Variants in TMTC1 observed in about 807,000 individuals in gnomAD.
TMTC1 encodes protein O-mannosyl-transferase TMTC1.
Under a neutral mutation model 104.8 loss-of-function variants are expected in TMTC1, and 73 were observed. The ratio of observed to expected loss-of-function variants is 0.70; its 90% CI spans 0.58 to 0.85. The LOEUF (loss-of-function observed/expected upper bound fraction) is 0.85, where lower values mean the gene tolerates loss of function less well. Ranked by LOEUF, TMTC1 falls within the 40% of genes least tolerant of loss-of-function variation. TMTC1 has a pLI of 0.00. For missense variants in TMTC1, 1,035 were observed against 1,096.1 expected (o/e 0.94, Z 0.79); for synonymous variants, 434 against 428.7 (o/e 1.01, Z -0.15).
intron 4 of TMTC1, among the ~76,000 whole-genome samples, chr12:29,752,085 C>T (rs918935374): frequency 1.3e-5 from 2 of 151,730 alleles, no homozygotes; most frequent in Admixed American, 1.3e-4. Flanking sequence ...TCGTATTGAC[C>T]TAGTATAGAA....
chr12:29,725,609 C>A lies in TMTC1; in HGVS notation c.938+26057G>T, dbSNP rs144187266. 1.9e-4 allele frequency among the ~76,000 whole-genome samples: 29 copies of A among 152,196 alleles called. 2 individuals are homozygous for A. Among genetic ancestry groups the A allele is most frequent in the African/African-American group, 6.3e-4 (26 of 41,510 alleles). ...ATAATTGTGTTTATAAAACATGGCA[C>A]CCAGATAAATGACAAAAGTCCTGTA... On this transcript the variant is annotated intron_variant, in intron 5 of 17. Coordinates refer to ENST00000539277, the MANE Select transcript of TMTC1 (RefSeq NM_001193451.2).
At chr12:29,627,588 C>T (rs1938067709) in intron 6 of TMTC1, among the ~76,000 whole-genome samples, 1 of 151,554 alleles carries the variant, frequency 6.6e-6, no homozygotes, top group African/African-American at 2.4e-5. Context: ...CTTTATGACT[C>T]AGCAATCCAC....
intron 5 of TMTC1, chr12:29,660,727 T>C (rs1939978120): frequency 4.4e-6 from 2 of 455,290 alleles, no homozygotes; most frequent in Non-Finnish European, 6.6e-6. Flanking sequence ...TTGAATTACA[T>C]GTCTGAGCTG....
At chr12:29,530,231 C>T (rs1223508702) in intron 11 of TMTC1, among the ~76,000 whole-genome samples, 1 of 152,142 alleles carries the variant, frequency 6.6e-6, no homozygotes, top group Non-Finnish European at 1.5e-5. Context: ...CCAGCTATGA[C>T]CAGAGAGGTA....
chr12:29,599,329 G>A (rs1946492320), intron 7 of TMTC1, among the ~76,000 whole-genome samples: 1 of 152,178 alleles, frequency 6.6e-6, no homozygotes, highest in Non-Finnish European at 1.5e-5. Flanking sequence ...TGCAAAACTG[G>A]CTTTGTCACC....
intron 17 of TMTC1, 44 bp downstream of exon 17, chr12:29,511,999 C>T (rs1329760448): frequency 6.4e-7 from 1 of 1,554,158 alleles, no homozygotes; most frequent in African/African-American, 1.4e-5. Context: ...AGAGAAAACA[C>T]AGGGGGAAAG....
At chr12:29,659,154 G>A (rs1939895425) in intron 5 of TMTC1, among the ~76,000 whole-genome samples, 1 of 152,238 alleles carries the variant, frequency 6.6e-6, no homozygotes, top group African/African-American at 2.4e-5. Flanking sequence ...GTCAACCTCT[G>A]CACAATTCTC....
intron 5 of TMTC1, among the ~76,000 whole-genome samples, chr12:29,735,976 T>G (rs1942662049): frequency 6.6e-6 from 1 of 152,192 alleles, no homozygotes; most frequent in African/African-American, 2.4e-5. Flanking sequence ...GACTGTAGGT[T>G]GAGGAGATTA....
chr12:29,780,876 A>G (rs1001220966), intron 1 of TMTC1, among the ~76,000 whole-genome samples: 1 of 152,220 alleles, frequency 6.6e-6, no homozygotes. Flanking sequence ...TTGAAATCTC[A>G]AAGTTTTTGC....
At chr12:29,749,910 T>C (rs1202753903) in intron 5 of TMTC1, among the ~76,000 whole-genome samples, 6 of 152,048 alleles carry the variant, frequency 3.9e-5, no homozygotes. Context: ...CATTGCAGTT[T>C]CCATGACTCT....
At position 29,640,338 on chromosome 12, in the gene TMTC1, A is replaced by AG. The variant is rs11358701; in HGVS notation, c.939-7003dup. 1.1e-4 allele frequency among the ~76,000 whole-genome samples: 17 copies of AG among 151,988 alleles called. 1 individual carries two copies. Among genetic ancestry groups the AG allele is most frequent in the African/African-American group, 1.7e-4 (7 of 41,386 alleles). On this transcript the variant is annotated intron_variant, in intron 5 of 17. Transcript: ENST00000539277. ...AGATGCAGCTGTGGACAGAGCAGCGAGGGGGGGCTCACATTGTGAATTTTA... is the reference window on the plus strand; with the variant it reads ...AGATGCAGCTGTGGACAGAGCAGCGAGGGGGGGGCTCACATTGTGAATTTTA...
intron 9 of TMTC1, among the ~76,000 whole-genome samples, chr12:29,563,067 T>C (rs149931530): frequency 2.9e-4 from 44 of 152,348 alleles, no homozygotes; most frequent in African/African-American, 9.9e-4. Context: ...CTGTTTCTCC[T>C]ATACTGAGAG....
chr12:29,543,899 G>A (rs748513571), intron 10 of TMTC1, among the ~76,000 whole-genome samples: 39 of 152,248 alleles, frequency 2.6e-4, no homozygotes, highest in Non-Finnish European at 5.0e-4. Flanking sequence ...CAGAAGCCAC[G>A]TGGAACTGTG....
intron 5 of TMTC1, chr12:29,658,664 C>T (rs1939872145): frequency 4.7e-6 from 1 of 212,656 alleles, no homozygotes; most frequent in East Asian, 1.1e-4. Context: ...GAACAGGAAC[C>T]ATTCCCTTGA....
intron 9 of TMTC1, among the ~76,000 whole-genome samples, chr12:29,557,694 C>G (rs1945281299): frequency 6.6e-6 from 1 of 151,256 alleles, no homozygotes; most frequent in Non-Finnish European, 1.5e-5. Context: ...AGGTGATCCA[C>G]CTGGCTCAGC....
At chr12:29,749,234 A>ACACC (rs908823598) in intron 5 of TMTC1, among the ~76,000 whole-genome samples, 2 of 151,626 alleles carry the variant, frequency 1.3e-5, no homozygotes, top group African/African-American at 4.8e-5. Flanking sequence ...CTAAGGATAC[A>ACACC]CACACACACA....
chr12:29,626,872 A>C (rs1458047513), intron 6 of TMTC1, among the ~76,000 whole-genome samples: 2 of 152,174 alleles, frequency 1.3e-5, no homozygotes, highest in Admixed American at 6.5e-5. Context: ...AGGCCATGGC[A>C]GGTGGATCAC....
At chr12:29,600,008 A>ATATATATATTT (rs59108744) in intron 7 of TMTC1, among the ~76,000 whole-genome samples, 4 of 118,686 alleles carry the variant, frequency 3.4e-5, no homozygotes, top group Admixed American at 8.4e-5. Context: ...ATATATATAT[A>ATATATATATTT]TTTTTTTTTT....
intron 5 of TMTC1, among the ~76,000 whole-genome samples, chr12:29,662,797 C>T (rs1319468340): frequency 6.6e-6 from 1 of 152,088 alleles, no homozygotes; most frequent in Non-Finnish European, 1.5e-5. Context: ...CTGCCTGGTC[C>T]ATAAAGAGCT....
Sources: gnomAD v4.1 joint callset for allele counts (sites outside exome capture counted in the v4.1 genomes callset) on GRCh38, gnomAD v4.1.1 for gene constraint, MANE v1.5 for transcripts, NCBI Gene and HGNC (gene_info 2026-07-23, HGNC 2026-07-21) for gene names.